Variants in CARMIL1 observed in about 807,000 individuals in gnomAD.
CARMIL1 encodes the protein F-actin-uncapping protein LRRC16A.
In CARMIL1, 90 loss-of-function variants were observed where a neutral mutation model predicts 177.1. That is an observed-to-expected ratio of 0.51 (90% confidence interval 0.43 to 0.61). CARMIL1 has a LOEUF of 0.61. CARMIL1 is among the 20% of genes least tolerant of loss of function. The probability of loss-of-function intolerance (pLI) is 0.00; values close to 1 mark genes in which losing one functional copy is unlikely to be tolerated. For missense variants in CARMIL1, 1,380 were observed against 1,667.0 expected (o/e 0.83, Z 3.00); for synonymous variants, 577 against 606.2 (o/e 0.95, Z 0.71).
intron 2 of CARMIL1, among the ~76,000 whole-genome samples, chr6:25,416,622 A>G (rs1481909195): frequency 1.3e-5 from 2 of 152,206 alleles, no homozygotes; most frequent in Non-Finnish European, 2.9e-5. Flanking sequence ...ATGAATACTG[A>G]AGAGGCTACA....
chr6:25,582,809 T>G (rs1813250964), intron 31 of CARMIL1, among the ~76,000 whole-genome samples: 1 of 152,226 alleles, frequency 6.6e-6, no homozygotes, highest in African/African-American at 2.4e-5. Flanking sequence ...CAGATCTATT[T>G]AGACCTCTGG....
At chr6:25,513,905 G>T (rs1321125330) in intron 20 of CARMIL1, among the ~76,000 whole-genome samples, 1 of 152,140 alleles carries the variant, frequency 6.6e-6, no homozygotes, top group African/African-American at 2.4e-5. Flanking sequence ...AAGCAACCCA[G>T]GAGACATCCA....
At chr6:25,339,870 A>G (rs995619710) in intron 2 of CARMIL1, among the ~76,000 whole-genome samples, 3 of 152,158 alleles carry the variant, frequency 2.0e-5, no homozygotes, top group Non-Finnish European at 4.4e-5. Context: ...GTAATATAAA[A>G]TACTTCACAT....
At chr6:25,564,945 G>A (rs1811429529) in intron 29 of CARMIL1, among the ~76,000 whole-genome samples, 1 of 152,148 alleles carries the variant, frequency 6.6e-6, no homozygotes, top group African/African-American at 2.4e-5. Context: ...TGGGGGAGGG[G>A]TGTTGTTAAG....
intron 2 of CARMIL1, among the ~76,000 whole-genome samples, chr6:25,400,694 A>G (rs1228837452): frequency 6.6e-6 from 1 of 152,232 alleles, no homozygotes; most frequent in Non-Finnish European, 1.5e-5. Flanking sequence ...AATAATGGCC[A>G]TCAGAATGAT....
At chr6:25,352,319 CTTTT>C (rs10713909) in intron 2 of CARMIL1, among the ~76,000 whole-genome samples, 1 of 143,616 alleles carries the variant, frequency 7.0e-6, no homozygotes, top group Non-Finnish European at 1.5e-5. Flanking sequence ...TTGTAGGATA[CTTTT>C]TTTTTTTTTT....
chr6:25,284,980 AT>A, intron 2 of CARMIL1, 71 bp downstream of exon 2: 1 of 911,780 alleles, frequency 1.1e-6, no homozygotes, highest in Non-Finnish European at 1.7e-6. Flanking sequence ...AGATTGCTTA[AT>A]TTTCATGCAG....
intron 2 of CARMIL1, among the ~76,000 whole-genome samples, chr6:25,290,556 C>T (rs1260661303): frequency 6.6e-6 from 1 of 151,830 alleles, no homozygotes; most frequent in Non-Finnish European, 1.5e-5. Flanking sequence ...CTAGTCTCCA[C>T]TTTGGTTTCT....
intron 29 of CARMIL1, among the ~76,000 whole-genome samples, chr6:25,578,263 T>A (rs928783206): frequency 2.6e-5 from 4 of 152,134 alleles, no homozygotes; most frequent in African/African-American, 9.7e-5. Context: ...CCCTTTCATT[T>A]TGGTACAAAA....
chr6:25,616,095 T>C (rs555483118), intron 36 of CARMIL1, among the ~76,000 whole-genome samples: 59 of 152,316 alleles, frequency 3.9e-4, no homozygotes, highest in African/African-American at 1.4e-3. Context: ...TAGTGATAAA[T>C]ATGTAAATAG....
At chr6:25,481,496 T>G (rs1447830914) in intron 11 of CARMIL1, among the ~76,000 whole-genome samples, 2 of 152,204 alleles carry the variant, frequency 1.3e-5, no homozygotes, top group African/African-American at 2.4e-5. Context: ...AGGAGCCTTC[T>G]CAAGAACATG....
chr6:25,515,758 C>T lies in CARMIL1; in HGVS notation c.1716C>T (p.Ser572=), dbSNP rs757897822. Residue 572 remains serine, a synonymous_variant, in exon 21 of 37, where the codon TCC becomes TCT. Coordinates refer to ENST00000329474, the MANE Select transcript of CARMIL1 (RefSeq NM_017640.6). This position sits in a 1 kb window ranked among gnomAD's most constrained non-coding sequence, Gnocchi z 5.0. Reference sequence around the variant, plus strand: ...TCAATGCCCTGGGAAGCAACACCTCCCTGACCAAAGTGGACATTAGCGGCA... The same window carrying T: ...TCAATGCCCTGGGAAGCAACACCTCTCTGACCAAAGTGGACATTAGCGGCA... ...IIINALGSNT[S]LTKVDISGNG... is the part of the protein sequence containing the mutation. 1.9e-6 allele frequency: 3 copies of T among 1,611,804 alleles called. No individual in the cohort carries two copies. The South Asian group carries it at 3.3e-5, about 18-fold the overall frequency.
intron 10 of CARMIL1, 46 bp from the exon 11 acceptor site, chr6:25,472,381 G>T: frequency 7.8e-7 from 1 of 1,287,436 alleles, no homozygotes; most frequent in South Asian, 1.3e-5. Context: ...CCGTTCGAAT[G>T]GTTTTACATT....
rs537109983 is a variant in CARMIL1, at chr6:25,480,863, C to T, written c.875-1394C>T. On this transcript the variant is annotated intron_variant, in intron 11 of 36. Coordinates refer to ENST00000329474, the MANE Select transcript of CARMIL1 (RefSeq NM_017640.6). ...AGCCTCCGGAGTAGTTGGAACTACC[C>T]GCGCCCGCCACCACGCCCGGCTAAT... Among the ~76,000 whole-genome samples the T allele has an allele frequency of 2.9e-4, 43 of 150,626 alleles. No individual in the cohort carries two copies. In the East Asian group the frequency reaches 5.2e-3, roughly 18 times the overall value.
intron 2 of CARMIL1, among the ~76,000 whole-genome samples, chr6:25,399,053 T>A (rs141303846): frequency 5.7e-4 from 87 of 152,244 alleles, no homozygotes; most frequent in African/African-American, 2.0e-3. Context: ...AACACCCCCC[T>A]TTTCTTCCCC....
At chr6:25,284,963 A>G (rs373697439) in intron 2 of CARMIL1, 54 bp downstream of exon 2, 475 of 1,058,132 alleles carry the variant, frequency 4.5e-4, no homozygotes, top group Non-Finnish European at 6.4e-4. Context: ...GTGTGTTTTC[A>G]TTGTTTAGAT....
intron 24 of CARMIL1, among the ~76,000 whole-genome samples, chr6:25,529,880 T>C (rs1807576233): frequency 6.6e-6 from 1 of 151,678 alleles, no homozygotes; most frequent in South Asian, 2.1e-4. Context: ...AATAAACTGA[T>C]GGACACAAAC....
intron 2 of CARMIL1, among the ~76,000 whole-genome samples, chr6:25,363,894 T>C (rs1209632960): frequency 1.3e-5 from 2 of 152,168 alleles, no homozygotes; most frequent in Non-Finnish European, 2.9e-5. Context: ...TGATCAACAC[T>C]TTAACACTTT....
intron 25 of CARMIL1, among the ~76,000 whole-genome samples, chr6:25,539,038 C>T (rs1582292211): frequency 6.6e-6 from 1 of 152,056 alleles, no homozygotes; most frequent in African/African-American, 2.4e-5. Flanking sequence ...TGACCCCTTA[C>T]TTCACCCTAT....
Sources: allele counts gnomAD v4.1 joint callset (sites outside exome capture counted in the v4.1 genomes callset), GRCh38; gene constraint gnomAD v4.1.1; non-coding constraint Gnocchi (gnomAD v3.1); transcripts MANE v1.5; gene names NCBI Gene and HGNC (gene_info 2026-07-23, HGNC 2026-07-21).